The following CASK variants were observed in gnomAD, a reference collection of about 807,000 sequenced individuals.
The protein encoded by CASK is calcium/calmodulin dependent serine protein kinase, also known as peripheral plasma membrane protein CASK.
A neutral mutation model predicts 82.9 loss-of-function variants in CASK; 4 were observed. That is an observed-to-expected ratio of 0.05 (90% CI 0.02 to 0.11). The LOEUF (loss-of-function observed/expected upper bound fraction) is 0.11, where lower values mean the gene tolerates loss of function less well. Among genes scored for constraint, CASK ranks in the 10% least tolerant of loss-of-function variants. The probability of loss-of-function intolerance (pLI) is 1.00; values close to 1 mark genes in which losing one functional copy is unlikely to be tolerated. For missense variants in CASK, 358 were observed against 720.9 expected, an observed-to-expected ratio of 0.50 and a Z score of 5.76; for synonymous variants, 259 against 253.5, an observed-to-expected ratio of 1.02 and a Z score of -0.20.
chrX:41,822,557 C>CAAAAAAAAAAAAAAAAAAAAAAAAA (rs61374081), intron 2 of CASK, among the ~76,000 whole-genome samples: 1 of 50,678 alleles, frequency 2.0e-5, no homozygotes, highest in Admixed American at 3.2e-4. Flanking sequence ...GACTCCGTCT[C>CAAAAAAAAAAAAAAAAAAAAAAAAA]AAAAAAAAAA....
rs758345399 is a variant in CASK, at chrX:41,534,746, G to T, written c.2277C>A (p.Leu759=). The change falls in exon 24 of 27, where the codon CTC becomes CTA. Residue 759 remains leucine (L), a synonymous_variant. Coordinates refer to ENST00000378163, the MANE Select transcript of CASK (RefSeq NM_001367721.1). ...GVGRRHIKNT[L]ITKHPDRFAY... is the part of the protein sequence containing the mutation. ...CAAACCGGTCTGGGTGCTTTGTGAT[G>T]AGAGTGTTTTTTATGTGTCTTCTCC... 1 of 1,209,941 alleles carries T rather than the reference G, an allele frequency of 8.3e-7. No homozygotes were observed. The highest frequency in any genetic ancestry group is 1.1e-6 in the Non-Finnish European group (1 of 893,854).
intron 20 of CASK, among the ~76,000 whole-genome samples, chrX:41,554,489 A>AT (rs1395658259): frequency 8.9e-6 from 1 of 111,747 alleles, no homozygotes; most frequent in Admixed American, 9.5e-5. Flanking sequence ...AAAAAGCTTC[A>AT]TTTTTTTCTA....
chrX:41,811,700 C>A (rs994174726), intron 2 of CASK, among the ~76,000 whole-genome samples: 4 of 111,519 alleles, frequency 3.6e-5, no homozygotes, highest in Non-Finnish European at 1.9e-5. Flanking sequence ...AGAGCAAACA[C>A]ATTCAAAAGC....
intron 11 of CASK, among the ~76,000 whole-genome samples, chrX:41,617,449 T>C (rs1364911220): frequency 8.9e-6 from 1 of 112,589 alleles, no homozygotes; most frequent in African/African-American, 3.2e-5. Context: ...AATTAGAGTT[T>C]TTATTCCATT....
At chrX:41,786,253 T>G (rs1172542001) in intron 3 of CASK, among the ~76,000 whole-genome samples, 1 of 111,886 alleles carries the variant, frequency 8.9e-6, no homozygotes, top group Non-Finnish European at 1.9e-5. Context: ...AAATGTATGT[T>G]GTTTTAAGCC....
intron 2 of CASK, among the ~76,000 whole-genome samples, chrX:41,813,486 T>C (rs1168833785): frequency 1.1e-4 from 12 of 111,370 alleles, no homozygotes; most frequent in African/African-American, 3.6e-4. Context: ...AAACAAGAAA[T>C]AGGGAAAGTA....
chrX:41,644,137 G>T (rs767517112), intron 8 of CASK, among the ~76,000 whole-genome samples: 88 of 111,621 alleles, frequency 7.9e-4, no homozygotes, highest in Non-Finnish European at 1.3e-3. Context: ...CTTGATCGTG[G>T]TGGATAAGCT....
chrX:41,772,345 CAAAAAAAAAAAAAAAA>C (rs761427437), intron 3 of CASK, among the ~76,000 whole-genome samples: 1 of 26,356 alleles, frequency 3.8e-5, no homozygotes, highest in Non-Finnish European at 5.8e-5. Context: ...GACTCTGTCT[CAAAAAAAAAAAAAAAA>C]AAAAAAAAAA....
At chrX:41,566,189 G>A (rs775799950) in intron 16 of CASK, among the ~76,000 whole-genome samples, 8 of 110,847 alleles carry the variant, frequency 7.2e-5, no homozygotes, top group Admixed American at 4.8e-4. Flanking sequence ...CAAGGATGCC[G>A]TCTCTCACCA....
chrX:41,542,083 T>C (rs2064953086), intron 22 of CASK, among the ~76,000 whole-genome samples: 1 of 112,362 alleles, frequency 8.9e-6, no homozygotes, highest in Non-Finnish European at 1.9e-5. Context: ...AACTTCCATA[T>C]GGGCAAACAT....
intron 3 of CASK, among the ~76,000 whole-genome samples, chrX:41,786,397 T>C (rs1602622672): frequency 9.1e-6 from 1 of 109,564 alleles, no homozygotes; most frequent in South Asian, 4.1e-4. Flanking sequence ...CAACCTTTTT[T>C]TTTTTTTTTT....
At chrX:41,558,851 C>T (rs1364419191) in intron 18 of CASK, 2 of 111,723 alleles carry the variant, frequency 1.8e-5, no homozygotes, top group Non-Finnish European at 3.8e-5. Context: ...TACACCATCA[C>T]TAGAGACTAG....
At chrX:41,896,369 TG>T (rs1267041955) in intron 1 of CASK, among the ~76,000 whole-genome samples, 1 of 110,139 alleles carries the variant, frequency 9.1e-6, no homozygotes, top group Non-Finnish European at 1.9e-5. Context: ...ACCTCTAACA[TG>T]AAAGACAGAC....
Position 41,531,118 on chromosome X carries a change from G to A in CASK, c.2409C>T (p.Asn803=), listed in dbSNP as rs375034853. ...HDQMMQDISN[N]EYLEYGSHED... ...CGTGGCTGCCGTACTCCAAGTACTC[G>A]TTATTAGAGATGTCTTGCATCATTT... The change falls in exon 25 of 27, where the codon AAC becomes AAT. Residue 803 remains asparagine, a synonymous_variant. Coordinates refer to ENST00000378163, the MANE Select transcript of CASK (RefSeq NM_001367721.1). 8.6e-5 allele frequency: 103 copies of A among 1,204,550 alleles called. No individual in the cohort carries two copies. The highest frequency in any genetic ancestry group is 1.1e-4 in the African/African-American group (6 of 57,124).
intron 3 of CASK, among the ~76,000 whole-genome samples, chrX:41,785,928 C>G (rs2069589293): frequency 8.9e-6 from 1 of 112,040 alleles, no homozygotes; most frequent in African/African-American, 3.2e-5. Context: ...TCTCACTTGT[C>G]CTCTTGCTTG....
chrX:41,615,846 C>T (rs867042925), intron 11 of CASK, among the ~76,000 whole-genome samples: 1 of 110,869 alleles, frequency 9.0e-6, no homozygotes, highest in African/African-American at 3.3e-5. Flanking sequence ...AGGCTGGTCT[C>T]GAACTCCTGG....
chrX:41,852,408 T>TA (rs1467570486), intron 2 of CASK, among the ~76,000 whole-genome samples: 1 of 111,694 alleles, frequency 9.0e-6, no homozygotes, highest in Non-Finnish European at 1.9e-5. Context: ...GAAAAGTTAG[T>TA]AATGGGCTAA....
At chrX:41,794,853 T>C (rs1471848132) in intron 2 of CASK, among the ~76,000 whole-genome samples, 2 of 112,774 alleles carry the variant, frequency 1.8e-5, no homozygotes, top group Non-Finnish European at 3.7e-5. Context: ...AATTGTGTTA[T>C]CTATAATTTA....
intron 14 of CASK, 136 bp downstream of exon 14, chrX:41,586,771 G>A: frequency 4.2e-6 from 2 of 474,395 alleles, no homozygotes; most frequent in East Asian, 3.8e-5. Context: ...GTATTACCTG[G>A]TATTGTAATC....
Sources: allele counts gnomAD v4.1 joint callset (sites outside exome capture counted in the v4.1 genomes callset), GRCh38; gene constraint gnomAD v4.1.1; transcripts MANE v1.5; gene names NCBI Gene and HGNC (gene_info 2026-07-23, HGNC 2026-07-21).